FAM222B: variants seen among roughly 807,000 people sequenced by gnomAD.
The protein encoded by FAM222B is protein FAM222B.
In FAM222B, 12 loss-of-function variants were observed where a neutral mutation model predicts 38.0. The ratio of observed to expected loss-of-function variants is 0.32; its 90% CI spans 0.20 to 0.51. The LOEUF (loss-of-function observed/expected upper bound fraction) is 0.51, where lower values mean the gene tolerates loss of function less well. Among genes scored for constraint, FAM222B ranks in the 20% least tolerant of loss-of-function variants. The pLI, the probability that FAM222B is intolerant of heterozygous loss-of-function variation, is 0.97. For synonymous variants in FAM222B, 329 were observed against 317.2 expected (o/e 1.04, Z -0.40); for missense variants, 716 against 754.2 (o/e 0.95, Z 0.59).
chr17:28,807,355 G>A (rs931263016), intron 1 of FAM222B, among the ~76,000 whole-genome samples: 7 of 151,688 alleles, frequency 4.6e-5, no homozygotes, highest in African/African-American at 1.7e-4. Context: ...TTGGGCTGAA[G>A]AAACGCTTGT....
In FAM222B at chr17:28,757,114, G is replaced by A. The variant is rs1567775503; in HGVS notation, c.*1156C>T. 2 of 152,664 alleles carry A rather than the reference G, an allele frequency of 1.3e-5. No homozygotes were observed. Among genetic ancestry groups the A allele is most frequent in the East Asian group, 3.8e-4 (2 of 5,202 alleles). The allele number at this position is 152,664 out of a possible 1,614,324, so 9.5% of individuals were successfully genotyped here. A position where few individuals can be genotyped will look rare whatever the true frequency, so the allele number is the denominator to read the frequency against. On this transcript the variant is annotated 3_prime_UTR_variant, in exon 3 of 3. Coordinates refer to ENST00000581407, the MANE Select transcript of FAM222B (RefSeq NM_001077498.3). ...CTCTAAGAATGGACAGAGGGCAGGAGGGGCTTGTTTCCAATGTAGGCCCAG... is the reference window on the plus strand; with the variant it reads ...CTCTAAGAATGGACAGAGGGCAGGAAGGGCTTGTTTCCAATGTAGGCCCAG...
chr17:28,836,096 T>C (rs911802290), intron 1 of FAM222B, among the ~76,000 whole-genome samples: 3 of 151,628 alleles, frequency 2.0e-5, no homozygotes, highest in African/African-American at 7.3e-5. Flanking sequence ...TTCAAACAAT[T>C]CTCCTGCCTC....
chr17:28,794,757 A>G (rs1223063979), intron 1 of FAM222B, among the ~76,000 whole-genome samples: 1 of 152,026 alleles, frequency 6.6e-6, no homozygotes, highest in Non-Finnish European at 1.5e-5. Flanking sequence ...CTCTTTATCC[A>G]TCTTATAAGG....
chr17:28,761,218 G>C (rs1266869218), intron 2 of FAM222B, among the ~76,000 whole-genome samples: 1 of 152,226 alleles, frequency 6.6e-6, no homozygotes, highest in Non-Finnish European at 1.5e-5. Flanking sequence ...CCGGCTTCCA[G>C]TCAAAAAGGA....
intron 1 of FAM222B, among the ~76,000 whole-genome samples, chr17:28,840,825 G>A (rs1235213996): frequency 6.6e-6 from 1 of 151,922 alleles, no homozygotes; most frequent in African/African-American, 2.4e-5. Flanking sequence ...GCCGGGTATG[G>A]TGGCACGTGC....
intron 1 of FAM222B, among the ~76,000 whole-genome samples, chr17:28,825,967 T>G (rs546507892): frequency 1.3e-5 from 2 of 151,334 alleles, no homozygotes; most frequent in African/African-American, 4.9e-5. Context: ...AGAGATGGGG[T>G]TTTGTCATGT....
At chr17:28,826,764 C>T (rs571357901) in intron 1 of FAM222B, among the ~76,000 whole-genome samples, 70 of 151,364 alleles carry the variant, frequency 4.6e-4, no homozygotes, top group African/African-American at 1.7e-3. Context: ...GGGACTTTGT[C>T]TATCTTGTTT....
intron 1 of FAM222B, among the ~76,000 whole-genome samples, chr17:28,779,863 TCAATA>T (rs1409964418): frequency 6.6e-6 from 1 of 152,044 alleles, no homozygotes; most frequent in Non-Finnish European, 1.5e-5. Flanking sequence ...GCAATGTACC[TCAATA>T]CATAAAGGCC....
At chr17:28,774,258 C>T (rs564628733) in intron 1 of FAM222B, among the ~76,000 whole-genome samples, 2 of 151,748 alleles carry the variant, frequency 1.3e-5, no homozygotes, top group Admixed American at 1.3e-4. Flanking sequence ...GAAATCAACA[C>T]TAGCACTACT....
At chr17:28,792,861 C>T (rs1388095374) in intron 1 of FAM222B, among the ~76,000 whole-genome samples, 1 of 151,816 alleles carries the variant, frequency 6.6e-6, no homozygotes, top group African/African-American at 2.4e-5. Flanking sequence ...AATGATCCTC[C>T]CTTCTTCATA....
chr17:28,800,054 G>A (rs1296158106), intron 1 of FAM222B, among the ~76,000 whole-genome samples: 4 of 149,400 alleles, frequency 2.7e-5, no homozygotes, highest in East Asian at 1.9e-4. Flanking sequence ...TTTTTGAGAC[G>A]GAGTTTCACT....
upstream of FAM222B, among the ~76,000 whole-genome samples, chr17:28,844,410 A>G (rs572867221): frequency 1.3e-5 from 2 of 152,360 alleles, no homozygotes; most frequent in African/African-American, 4.8e-5. Flanking sequence ...CTGTAATCCC[A>G]GCACTTTGGG....
At chr17:28,815,835 C>T (rs929508239) in intron 1 of FAM222B, among the ~76,000 whole-genome samples, 2 of 151,842 alleles carry the variant, frequency 1.3e-5, no homozygotes, top group African/African-American at 4.8e-5. Context: ...AGTGTGGTGG[C>T]GCGCATCTGT....
At position 28,759,512 on chromosome 17, in the gene FAM222B, G is replaced by C. The variant is rs1160059782; in HGVS notation, c.447C>G (p.Ala149=). 4 of 1,581,698 alleles carry C rather than the reference G, an allele frequency of 2.5e-6. No individual in the cohort carries two copies. The highest frequency in any genetic ancestry group is 3.4e-6 in the Non-Finnish European group (4 of 1,162,962). ...VAPSTLAHPQ[A]QALARQQALQ... The stretch of plus-strand genomic sequence containing the variant: ...GGGCCTGCTGGCGGGCCAGAGCCTG[G>C]GCCTGGGGGTGGGCTAAAGTGCTGG... The change falls in exon 3 of 3, where the codon GCC becomes GCG. Residue 149 remains alanine (A), a synonymous_variant. Transcript: ENST00000581407. The surrounding 1 kb of genome is among the most constrained non-coding windows in gnomAD (Gnocchi z 4.8).
intron 1 of FAM222B, among the ~76,000 whole-genome samples, chr17:28,769,790 T>A (rs772395058): frequency 6.6e-6 from 1 of 152,160 alleles, no homozygotes; most frequent in Admixed American, 6.5e-5. Context: ...CACCATGGTT[T>A]CCCTGCAGTT....
At chr17:28,787,961 A>G (rs1347171891) in intron 1 of FAM222B, among the ~76,000 whole-genome samples, 1 of 151,214 alleles carries the variant, frequency 6.6e-6, no homozygotes, top group Non-Finnish European at 1.5e-5. Context: ...AGTGGCTAGG[A>G]TTACAGGAAT....
At chr17:28,798,826 C>G (rs1385559729) in intron 1 of FAM222B, among the ~76,000 whole-genome samples, 1 of 151,914 alleles carries the variant, frequency 6.6e-6, no homozygotes, top group Non-Finnish European at 1.5e-5. Flanking sequence ...ACCGTGTTAG[C>G]CAGGATAGTC....
At chr17:28,783,429 A>G (rs2151846682) in intron 1 of FAM222B, among the ~76,000 whole-genome samples, 1 of 152,248 alleles carries the variant, frequency 6.6e-6, no homozygotes, top group Middle Eastern at 3.4e-3. Flanking sequence ...ACTAAATTTG[A>G]ATCCCAGCTC....
At chr17:28,810,932 G>A (rs578003980) in intron 1 of FAM222B, among the ~76,000 whole-genome samples, 3 of 152,188 alleles carry the variant, frequency 2.0e-5, no homozygotes, top group African/African-American at 7.2e-5. Flanking sequence ...CTAGCCAAAA[G>A]TGTAAGACAG....
Sources: allele counts gnomAD v4.1 joint callset (sites outside exome capture counted in the v4.1 genomes callset), GRCh38; gene constraint gnomAD v4.1.1; non-coding constraint Gnocchi (gnomAD v3.1); transcripts MANE v1.5; gene names NCBI Gene and HGNC (gene_info 2026-07-23, HGNC 2026-07-21).